Variants in PPIG observed in about 807,000 individuals in gnomAD.
PPIG encodes the protein peptidylprolyl isomerase G.
A neutral mutation model predicts 87.9 loss-of-function variants in PPIG; 26 were observed. The ratio of observed to expected loss-of-function variants is 0.30; its 90% CI spans 0.22 to 0.41. The LOEUF (loss-of-function observed/expected upper bound fraction) is 0.41, where lower values mean the gene tolerates loss of function less well. Ranked by LOEUF, PPIG falls within the 10% of genes least tolerant of loss-of-function variation. PPIG has a pLI of 1.00. For missense variants in PPIG, 722 were observed against 879.4 expected, an observed-to-expected ratio of 0.82 and a Z score of 2.26; for synonymous variants, 308 against 276.5, an observed-to-expected ratio of 1.11 and a Z score of -1.13.
Position 169,630,779 on chromosome 2 carries a change from A to G in PPIG, c.553A>G (p.Lys185Glu). The G allele has an allele frequency of 1.3e-6, 2 of 1,590,624 alleles. No homozygotes were observed. The highest frequency in any genetic ancestry group is 1.2e-5 in the South Asian group (1 of 85,450). The change falls in exon 10 of 14, where the codon AAA becomes GAA. Residue 185 changes from lysine to glutamate, a missense_variant. By Grantham distance (56) the Lys-to-Glu change is moderately conservative. This residue lies in a region of PPIG where 142 missense variants were observed against 152.8 expected (regional missense o/e 0.93). Transcript: ENST00000260970. ...GELIPKSKVKKEEKKRHKSSS... is the reference protein window; with the variant it reads ...GELIPKSKVKEEEKKRHKSSS... The stretch of plus-strand genomic sequence containing the variant: ...CCTTTTTGTTTTTATTAAAGTTAAG[A>G]AAGAAGAAAAGAAAAGGCATAAATC...
intron 1 of PPIG, among the ~76,000 whole-genome samples, chr2:169,594,555 C>T (rs1357825586): frequency 6.6e-6 from 1 of 151,570 alleles, no homozygotes; most frequent in Admixed American, 6.6e-5. Context: ...GCTTTTTTCA[C>T]CTGGTATGAC....
chr2:169,585,270 C>CTTTTTTTT lies in PPIG; in HGVS notation c.-70+782_-70+789dup, dbSNP rs1553542345. On this transcript the variant is annotated intron_variant, in intron 1 of 13. Coordinates refer to ENST00000260970, the MANE Select transcript of PPIG (RefSeq NM_004792.3). Reference sequence around the variant, plus strand: ...TATGCTAATTTGGTTCTTGGTTAGTCTTTTTTTTTGAGACGGAGTCTCGCT... The same window carrying CTTTTTTTT: ...TATGCTAATTTGGTTCTTGGTTAGTCTTTTTTTTTTTTTTTTTGAGACGGAGTCTCGCT... 1.4e-4 allele frequency among the ~76,000 whole-genome samples: 17 copies of CTTTTTTTT among 118,756 alleles called. 6 individuals are homozygous for CTTTTTTTT. The highest frequency in any genetic ancestry group is 1.5e-4 in the Non-Finnish European group (9 of 59,554). The allele number at this position is 118,756 out of a possible 152,430, so 77.9% of individuals were successfully genotyped here. A position where few individuals can be genotyped will look rare whatever the true frequency, so the allele number is the denominator to read the frequency against.
chr2:169,584,826 A>T (rs1480717128), intron 1 of PPIG: 2 of 296,124 alleles, frequency 6.8e-6, no homozygotes, highest in Non-Finnish European at 1.3e-5. Context: ...GGCGGCAGCG[A>T]CTGCGGCCTG....
intron 9 of PPIG, among the ~76,000 whole-genome samples, chr2:169,625,393 T>G (rs181453249): frequency 1.6e-3 from 238 of 152,344 alleles, no homozygotes; most frequent in African/African-American, 5.4e-3. Flanking sequence ...AATTGCCAGT[T>G]TGCAGAGGTC....
chr2:169,585,336 A>T (rs929119965), intron 1 of PPIG, among the ~76,000 whole-genome samples: 52 of 140,982 alleles, frequency 3.7e-4, no homozygotes, highest in African/African-American at 1.3e-3. Flanking sequence ...ATCTTGGCTC[A>T]CTGCAACCTC....
chr2:169,589,423 C>T (rs894967067), intron 1 of PPIG, among the ~76,000 whole-genome samples: 1 of 152,058 alleles, frequency 6.6e-6, no homozygotes, highest in African/African-American at 2.4e-5. Flanking sequence ...CTCATTTGAT[C>T]TATATGAACT....
chr2:169,631,260 A>G (rs1686045251), intron 10 of PPIG, among the ~76,000 whole-genome samples: 1 of 152,120 alleles, frequency 6.6e-6, no homozygotes, highest in South Asian at 2.1e-4. Flanking sequence ...GGATTATGGG[A>G]TTTATGAAAA....
rs1256983892 is a variant in PPIG, at chr2:169,627,837, T to A, written c.548-2937T>A. ...AGAAATCAGACTGGTGATTAAAGCT[T>A]TTTTAATTGTGGGGTAAAGAGTTAC... On this transcript the variant is annotated intron_variant, in intron 9 of 13. Coordinates refer to ENST00000260970, the MANE Select transcript of PPIG (RefSeq NM_004792.3). Among the ~76,000 whole-genome samples, 8 of 152,082 alleles carry A rather than the reference T, an allele frequency of 5.3e-5. No homozygotes were observed. The East Asian group carries it at 1.5e-3, about 29-fold the overall frequency.
chr2:169,627,671 C>T (rs1188173710), intron 9 of PPIG, among the ~76,000 whole-genome samples: 2 of 140,294 alleles, frequency 1.4e-5, no homozygotes, highest in South Asian at 4.6e-4. Flanking sequence ...GAATTACAGG[C>T]GTGAGAAGCC....
intron 9 of PPIG, among the ~76,000 whole-genome samples, chr2:169,625,740 A>T (rs1381683727): frequency 6.6e-6 from 1 of 150,752 alleles, no homozygotes; most frequent in African/African-American, 2.4e-5. Context: ...TTTTTTTTTT[A>T]AGGTTAGGTC....
At chr2:169,593,752 C>T (rs1024493272) in intron 1 of PPIG, among the ~76,000 whole-genome samples, 10 of 147,092 alleles carry the variant, frequency 6.8e-5, no homozygotes, top group African/African-American at 2.0e-4. Context: ...CCCAGGTTCA[C>T]GCCATTCTCC....
At chr2:169,630,753 A>C (rs769682968) in intron 9 of PPIG, 21 bp from the exon 10 acceptor site, 4 of 1,570,654 alleles carry the variant, frequency 2.5e-6, no homozygotes, top group Non-Finnish European at 2.6e-6. Flanking sequence ...GTTGATCAAA[A>C]CCTTTTTGTT....
Position 169,637,019 on chromosome 2 carries a change from C to G in PPIG, c.1761C>G (p.Ser587Arg). 1 of 1,613,696 alleles carries G rather than the reference C, an allele frequency of 6.2e-7. No individual in the cohort carries two copies. Among genetic ancestry groups the G allele is most frequent in the Non-Finnish European group, 8.5e-7 (1 of 1,179,936 alleles). Residue 587 changes from serine (S) to arginine (R), a missense_variant, in exon 14 of 14, where the codon AGC (serine) becomes AGG (arginine). By Grantham distance (110) the Ser-to-Arg change is moderately radical. Coordinates refer to ENST00000260970, the MANE Select transcript of PPIG (RefSeq NM_004792.3). Reference sequence around the variant, plus strand: ...CCCATGACAGAGATCGCAGCAGAAGCAAGGAGTACCATAGATACAGAGAAC... The same window carrying G: ...CCCATGACAGAGATCGCAGCAGAAGGAAGGAGTACCATAGATACAGAGAAC... Reference protein sequence around the residue: ...SRTHDRDRSRSKEYHRYREQE... With the variant: ...SRTHDRDRSRRKEYHRYREQE...
At chr2:169,608,637 C>T in intron 6 of PPIG, 34 bp from the exon 7 acceptor site, 4 of 1,460,412 alleles carry the variant, frequency 2.7e-6, no homozygotes, top group Non-Finnish European at 3.8e-6. Context: ...GAGGTTATAT[C>T]TATAATGTAA....
chr2:169,593,650 C>CTCTT (rs1684933147), intron 1 of PPIG, among the ~76,000 whole-genome samples: 3 of 106,204 alleles, frequency 2.8e-5, no homozygotes, highest in African/African-American at 1.1e-4. Context: ...TGCTTTATAT[C>CTCTT]TTTTTTTTTT....
chr2:169,640,235 T>C lies in PPIG; in HGVS notation c.*2712T>C, dbSNP rs1405660231. The stretch of plus-strand genomic sequence containing the variant: ...AGTTGCAAAGAATTTATCTGATAAA[T>C]CTGCCTTTGCACAAATGTGATACTG... On this transcript the variant is annotated 3_prime_UTR_variant, in exon 14 of 14. Coordinates refer to ENST00000260970, the MANE Select transcript of PPIG (RefSeq NM_004792.3). The C allele has an allele frequency of 6.6e-6, 1 of 152,202 alleles. No homozygotes were observed. The highest frequency in any genetic ancestry group is 1.5e-5 in the Non-Finnish European group (1 of 68,020). The allele number at this position is 152,202 out of a possible 1,614,324, so 9.4% of individuals were successfully genotyped here.
At chr2:169,619,013 T>C (rs2105505282) in intron 9 of PPIG, among the ~76,000 whole-genome samples, 1 of 152,308 alleles carries the variant, frequency 6.6e-6, no homozygotes, top group Non-Finnish European at 1.5e-5. Context: ...CTTGTGGGCA[T>C]TTAGTGCTAT....
chr2:169,611,798 C>T (rs1179548677), intron 7 of PPIG, among the ~76,000 whole-genome samples: 2 of 152,086 alleles, frequency 1.3e-5, no homozygotes, highest in African/African-American at 2.4e-5. Flanking sequence ...ATGTTTGTTA[C>T]TCCTTATATC....
intron 1 of PPIG, chr2:169,584,697 A>G (rs1392211317): frequency 3.0e-6 from 1 of 335,332 alleles, no homozygotes. Flanking sequence ...TTGCAGAAGG[A>G]GAAGGCTTGC....
Sources: allele counts gnomAD v4.1 joint callset (sites outside exome capture counted in the v4.1 genomes callset), GRCh38; gene constraint gnomAD v4.1.1; regional missense constraint gnomAD v4.1.1; transcripts MANE v1.5; gene names NCBI Gene and HGNC (gene_info 2026-07-23, HGNC 2026-07-21).